The following ING5 variants were observed in gnomAD, a reference collection of about 807,000 sequenced individuals.
ING5 encodes inhibitor of growth protein 5.
A neutral mutation model predicts 37.4 loss-of-function variants in ING5; 17 were observed. The observed-to-expected ratio is 0.45, with a 90% CI of 0.31 to 0.68. ING5 has a LOEUF of 0.68. Among genes scored for constraint, ING5 ranks in the 30% least tolerant of loss-of-function variants. ING5 has a pLI of 0.05. For missense variants in ING5, 233 were observed against 311.9 expected, an observed-to-expected ratio of 0.75 and a Z score of 1.91; for synonymous variants, 123 against 116.6, an observed-to-expected ratio of 1.06 and a Z score of -0.36.
chr2:241,701,065 G>A (rs1183333646), upstream of ING5, among the ~76,000 whole-genome samples: 2 of 145,536 alleles, frequency 1.4e-5, no homozygotes, highest in African/African-American at 5.1e-5. Context: ...TCCGCCTCCC[G>A]GGCTCAGCCT....
chr2:241,699,144 G>A (rs956864499), upstream of ING5, among the ~76,000 whole-genome samples: 1 of 151,598 alleles, frequency 6.6e-6, no homozygotes, highest in Non-Finnish European at 1.5e-5. Context: ...CCTGCCTCAG[G>A]CTCCCGAGCA....
chr2:241,711,058 C>T (rs1201392713), intron 3 of ING5, among the ~76,000 whole-genome samples: 1 of 152,128 alleles, frequency 6.6e-6, no homozygotes, highest in African/African-American at 2.4e-5. Flanking sequence ...CTCCAGGTAG[C>T]CATATTTTAA....
chr2:241,727,887 GGACGCTTTTGTCT>G lies in ING5; in HGVS notation c.*2860_*2872del. Reference sequence around the variant, plus strand: ...GGGAAAGATGACTGGCTTCCCTGTGGGACGCTTTTGTCTGACACGTGATGATGTGGTCCTGCCT... The same window carrying G: ...GGGAAAGATGACTGGCTTCCCTGTGGGACACGTGATGATGTGGTCCTGCCT... On this transcript the variant is annotated 3_prime_UTR_variant, in exon 8 of 8. Transcript: ENST00000313552. 6.6e-6 allele frequency: 1 copy of G among 152,152 alleles called. No individual in the cohort carries two copies. The highest frequency in any genetic ancestry group is 1.9e-4 in the East Asian group (1 of 5,198). 9.4% of individuals were successfully genotyped at this position (152,152 alleles called of 1,614,324 possible). A position where few individuals can be genotyped will look rare whatever the true frequency, so the allele number is the denominator to read the frequency against.
chr2:241,709,255 T>C lies in ING5; in HGVS notation c.149T>C (p.Ile50Thr). Residue 50 changes from isoleucine to threonine, a missense_variant, in exon 3 of 8, where the codon ATC (isoleucine) becomes ACC (threonine). By Grantham distance (89) the Ile-to-Thr change is moderately conservative. Transcript: ENST00000313552. ...AEIDILAAEY[I>T]STVKTLSPDQ... Reference sequence around the variant, plus strand: ...ATTGACATCCTGGCTGCAGAGTACATCTCCACGGTGAAGACGCTGTCTCCA... The same window carrying C: ...ATTGACATCCTGGCTGCAGAGTACACCTCCACGGTGAAGACGCTGTCTCCA... The C allele has an allele frequency of 6.2e-7, 1 of 1,613,914 alleles. No individual in the cohort carries two copies. Among genetic ancestry groups the C allele is most frequent in the Admixed American group, 1.7e-5 (1 of 59,936 alleles).
intron 7 of ING5, 63 bp from the exon 8 acceptor site, chr2:241,724,926 C>A: frequency 6.5e-7 from 1 of 1,544,722 alleles, no homozygotes. Flanking sequence ...GAGGCGGGCC[C>A]TGGGCACCCT....
At chr2:241,710,608 C>T (rs1283871436) in intron 3 of ING5, among the ~76,000 whole-genome samples, 10 of 152,216 alleles carry the variant, frequency 6.6e-5, no homozygotes, top group Non-Finnish European at 1.2e-4. Context: ...CTTCAGCCTC[C>T]TGAGTAGCTG....
chr2:241,716,037 C>G (rs2070258685), intron 5 of ING5, among the ~76,000 whole-genome samples: 1 of 151,728 alleles, frequency 6.6e-6, no homozygotes, highest in Non-Finnish European at 1.5e-5. Flanking sequence ...AAATGATCTG[C>G]CCACCTTGGC....
intron 5 of ING5, chr2:241,719,959 T>C: frequency 2.4e-6 from 3 of 1,276,024 alleles, no homozygotes; most frequent in Non-Finnish European, 3.0e-6. Context: ...AATCTCTTTC[T>C]TCTCTGTGCC....
upstream of ING5, among the ~76,000 whole-genome samples, chr2:241,701,120 A>ATTTTT (rs529886209): frequency 4.4e-5 from 6 of 136,462 alleles, no homozygotes; most frequent in East Asian, 2.2e-4. Flanking sequence ...CGCTTGGCTA[A>ATTTTT]TTTTTTTTTT....
rs1168959221 is a variant in ING5, at chr2:241,711,315, A to T, written c.277-62A>T. 7 of 1,176,692 alleles carry T rather than the reference A, an allele frequency of 5.9e-6. No individual in the cohort carries two copies. In the East Asian group the frequency reaches 1.9e-4, roughly 32 times the overall value. The allele number at this position is 1,176,692 out of a possible 1,614,324, so 72.9% of individuals were successfully genotyped here. On this transcript the variant is annotated intron_variant, in intron 3 of 7. Coordinates refer to ENST00000313552, the MANE Select transcript of ING5 (RefSeq NM_032329.6). ...TGTTTCCTGGTGGATACTTTTGTAC[A>T]TTCGTGATTCTGAGGTGTTTTGGTT...
intron 2 of ING5, among the ~76,000 whole-genome samples, chr2:241,705,522 C>T (rs543844574): frequency 2.7e-4 from 41 of 150,656 alleles, no homozygotes; most frequent in African/African-American, 8.1e-4. Flanking sequence ...CTCAGCCTCC[C>T]GAGTAGCTGG....
At chr2:241,702,346 C>A (rs1021640700) in intron 1 of ING5, among the ~76,000 whole-genome samples, 1 of 146,212 alleles carries the variant, frequency 6.8e-6, no homozygotes, top group African/African-American at 2.5e-5. Context: ...CACGGCGGGG[C>A]GGGGCCTGGC....
intron 5 of ING5, among the ~76,000 whole-genome samples, chr2:241,713,197 C>T (rs1244822177): frequency 6.6e-6 from 1 of 151,284 alleles, no homozygotes; most frequent in Non-Finnish European, 1.5e-5. Flanking sequence ...GCTGCAACTA[C>T]AAGTGCGCAC....
chr2:241,694,792 G>A (rs2069606731), intron 2 of ING5, among the ~76,000 whole-genome samples: 1 of 144,442 alleles, frequency 6.9e-6, no homozygotes, highest in African/African-American at 2.6e-5. Flanking sequence ...GCCGAGGCGA[G>A]TGGATGATGA....
chr2:241,688,650 G>C (rs924072387), intron 1 of ING5, among the ~76,000 whole-genome samples: 1 of 152,124 alleles, frequency 6.6e-6, no homozygotes, highest in African/African-American at 2.4e-5. Context: ...TTGAGACGGA[G>C]TCCTGCTCTG....
intron 2 of ING5, among the ~76,000 whole-genome samples, chr2:241,695,680 C>T (rs1468034093): frequency 2.0e-5 from 3 of 151,432 alleles, no homozygotes; most frequent in Admixed American, 6.6e-5. Flanking sequence ...AGCAAGATTC[C>T]GTCTAAAAAA....
chr2:241,722,743 G>GACAA (rs1471019278), intron 5 of ING5, 196 bp from the exon 6 acceptor site: 2 of 985,296 alleles, frequency 2.0e-6, no homozygotes, highest in East Asian at 2.3e-4. Flanking sequence ...ATTTCTAAAG[G>GACAA]ACAATGGGAA....
rs891909478 is a variant in ING5 at position 241,720,612 on chromosome 2, C to A, written c.483-2327C>A. ...TCCCGGGGCTTGGACAGGCAGCCAGCCCCCTGCTAGGAGCCACGTGGAGTG... is the reference window on the plus strand; with the variant it reads ...TCCCGGGGCTTGGACAGGCAGCCAGACCCCTGCTAGGAGCCACGTGGAGTG... On this transcript the variant is annotated intron_variant, in intron 5 of 7. Transcript: ENST00000313552. 1.4e-5 allele frequency: 14 copies of A among 985,900 alleles called. No individual in the cohort carries two copies. In the African/African-American group the frequency reaches 1.9e-4, roughly 13 times the overall value. The allele number at this position is 985,900 out of a possible 1,614,324, so 61.1% of individuals were successfully genotyped here. A position where few individuals can be genotyped will look rare whatever the true frequency, so the allele number is the denominator to read the frequency against.
intron 1 of ING5, among the ~76,000 whole-genome samples, chr2:241,703,375 G>C (rs1389439503): frequency 6.6e-6 from 1 of 152,158 alleles, no homozygotes; most frequent in Non-Finnish European, 1.5e-5. Context: ...CCCCCCTTAG[G>C]AGCCTGTGTC....
Sources: allele counts gnomAD v4.1 joint callset (sites outside exome capture counted in the v4.1 genomes callset), GRCh38; gene constraint gnomAD v4.1.1; transcripts MANE v1.5; gene names NCBI Gene and HGNC (gene_info 2026-07-23, HGNC 2026-07-21).